The following SLC2A13 variants were observed in gnomAD, a reference collection of about 807,000 sequenced individuals.
SLC2A13 encodes the protein solute carrier family 2 member 13.
A neutral mutation model predicts 64.4 loss-of-function variants in SLC2A13; 32 were observed. That is an observed-to-expected ratio of 0.50 (90% CI 0.37 to 0.67). The LOEUF (loss-of-function observed/expected upper bound fraction) is 0.67, where lower values mean the gene tolerates loss of function less well. SLC2A13 is among the 30% of genes least tolerant of loss of function. The pLI, the probability that SLC2A13 is intolerant of heterozygous loss-of-function variation, is 0.00. For synonymous variants in SLC2A13, 338 were observed against 327.1 expected, an observed-to-expected ratio of 1.03 and a Z score of -0.36; for missense variants, 743 against 829.2, an observed-to-expected ratio of 0.90 and a Z score of 1.28.
At chr12:40,077,695 A>G (rs1938233922) in intron 1 of SLC2A13, among the ~76,000 whole-genome samples, 1 of 152,170 alleles carries the variant, frequency 6.6e-6, no homozygotes, top group South Asian at 2.1e-4. Context: ...GAAAAATGAT[A>G]TAGGTAGTTG....
intron 7 of SLC2A13, among the ~76,000 whole-genome samples, chr12:39,802,029 T>C (rs1039716502): frequency 2.0e-5 from 3 of 152,122 alleles, no homozygotes; most frequent in Non-Finnish European, 2.9e-5. Flanking sequence ...ATAGTGACAA[T>C]TGTCATGATG....
chr12:39,890,536 C>A (rs1030591939), intron 4 of SLC2A13, among the ~76,000 whole-genome samples: 1 of 152,058 alleles, frequency 6.6e-6, no homozygotes, highest in East Asian at 1.9e-4. Context: ...TAGTAGAAGA[C>A]GGAGGCAGAA....
chr12:39,930,702 T>C (rs899145147), intron 4 of SLC2A13, among the ~76,000 whole-genome samples: 31 of 152,314 alleles, frequency 2.0e-4, no homozygotes, highest in Admixed American at 7.8e-4. Context: ...CTTTTGTGTA[T>C]GTAATACTGT....
intron 7 of SLC2A13, among the ~76,000 whole-genome samples, chr12:39,778,946 G>A (rs1281190445): frequency 2.6e-5 from 4 of 152,104 alleles, no homozygotes; most frequent in Non-Finnish European, 5.9e-5. Flanking sequence ...AATGAGGAAG[G>A]GAAATATCTG....
intron 3 of SLC2A13, among the ~76,000 whole-genome samples, chr12:39,994,828 T>C (rs527539341): frequency 1.3e-5 from 2 of 152,356 alleles, no homozygotes; most frequent in African/African-American, 4.8e-5. Flanking sequence ...GAGGATGAGA[T>C]AGTGCATGTG....
intron 3 of SLC2A13, among the ~76,000 whole-genome samples, chr12:40,017,989 A>AAC (rs1211059528): frequency 6.6e-6 from 1 of 151,338 alleles, no homozygotes; most frequent in Admixed American, 6.6e-5. Context: ...AAAAAAAAAA[A>AAC]AAAAGAAAGA....
intron 3 of SLC2A13, among the ~76,000 whole-genome samples, chr12:39,970,375 A>C (rs1946623289): frequency 6.6e-6 from 1 of 152,186 alleles, no homozygotes; most frequent in Non-Finnish European, 1.5e-5. Flanking sequence ...CTACTCTCAA[A>C]AAGTCATTAA....
intron 3 of SLC2A13, among the ~76,000 whole-genome samples, chr12:40,009,311 T>G (rs954766928): frequency 6.6e-6 from 1 of 152,238 alleles, no homozygotes; most frequent in South Asian, 2.1e-4. Context: ...AAATCTTTGA[T>G]CATAAATGAT....
chr12:40,093,847 G>A (rs112111577), intron 1 of SLC2A13, among the ~76,000 whole-genome samples: 107 of 152,256 alleles, frequency 7.0e-4, no homozygotes, highest in African/African-American at 2.6e-3. Context: ...GGGTGCTGCA[G>A]ACCACTAGCT....
chr12:39,989,029 G>A (rs1386071265), intron 3 of SLC2A13, among the ~76,000 whole-genome samples: 2 of 152,170 alleles, frequency 1.3e-5, no homozygotes, highest in Non-Finnish European at 2.9e-5. Flanking sequence ...TGTACTCTGA[G>A]CGCAGGAGCC....
intron 3 of SLC2A13, among the ~76,000 whole-genome samples, chr12:40,019,743 G>A (rs1013735528): frequency 4.6e-5 from 7 of 152,092 alleles, no homozygotes; most frequent in African/African-American, 1.7e-4. Flanking sequence ...TATCTTGAAG[G>A]TTTATTTTAT....
intron 5 of SLC2A13, among the ~76,000 whole-genome samples, chr12:39,867,778 G>C (rs1022310857): frequency 2.5e-4 from 38 of 152,208 alleles, no homozygotes; most frequent in African/African-American, 8.4e-4. Flanking sequence ...CTGGCTTCCT[G>C]TTGGAAGCAA....
At chr12:39,991,909 T>C (rs574384659) in intron 3 of SLC2A13, among the ~76,000 whole-genome samples, 1 of 152,298 alleles carries the variant, frequency 6.6e-6, no homozygotes, top group African/African-American at 2.4e-5. Flanking sequence ...TCACACATCC[T>C]GATTTGGTGA....
intron 3 of SLC2A13, among the ~76,000 whole-genome samples, chr12:39,953,034 C>G (rs557934038): frequency 6.6e-6 from 1 of 152,114 alleles, no homozygotes; most frequent in African/African-American, 2.4e-5. Flanking sequence ...AAACAAAAGC[C>G]CTTTCTCAGA....
At chr12:39,987,408 A>G (rs999085836) in intron 3 of SLC2A13, among the ~76,000 whole-genome samples, 1 of 152,194 alleles carries the variant, frequency 6.6e-6, no homozygotes, top group Non-Finnish European at 1.5e-5. Context: ...CTGTCTACTC[A>G]ATTTCTTCAG....
intron 1 of SLC2A13, among the ~76,000 whole-genome samples, chr12:40,050,010 C>A (rs1316972502): frequency 1.3e-5 from 2 of 152,072 alleles, no homozygotes; most frequent in Non-Finnish European, 2.9e-5. Context: ...ACAATTAAAT[C>A]ATCACCTAAG....
At chr12:39,861,699 T>C (rs1412739271) in intron 6 of SLC2A13, among the ~76,000 whole-genome samples, 1 of 152,206 alleles carries the variant, frequency 6.6e-6, no homozygotes, top group East Asian at 1.9e-4. Flanking sequence ...TGAACTCTCA[T>C]AAAGATATAT....
chr12:40,016,587 C>T (rs992210536), intron 3 of SLC2A13, among the ~76,000 whole-genome samples: 2 of 152,120 alleles, frequency 1.3e-5, no homozygotes, highest in Non-Finnish European at 2.9e-5. Flanking sequence ...ATTTCATAGG[C>T]TCACCTTTCA....
At chr12:40,058,091 T>TA (rs1565608710) in intron 1 of SLC2A13, among the ~76,000 whole-genome samples, 77 of 133,380 alleles carry the variant, frequency 5.8e-4, no homozygotes, top group South Asian at 1.1e-3. Flanking sequence ...ATAGATAGAT[T>TA]GATTTACTAT....
Sources: gnomAD v4.1 joint callset for allele counts (sites outside exome capture counted in the v4.1 genomes callset) on GRCh38, gnomAD v4.1.1 for gene constraint, MANE v1.5 for transcripts, NCBI Gene and HGNC (gene_info 2026-07-23, HGNC 2026-07-21) for gene names.